Variants in AGO2 observed in about 807,000 individuals in gnomAD.
AGO2 encodes the protein argonaute RISC catalytic component 2, also known as protein argonaute-2.
A neutral mutation model predicts 102.3 loss-of-function variants in AGO2; 5 were observed. The ratio of observed to expected loss-of-function variants is 0.05; its 90% CI spans 0.03 to 0.10. AGO2 has a LOEUF of 0.10. Ranked by LOEUF, AGO2 falls within the 10% of genes least tolerant of loss-of-function variation. AGO2 has a pLI of 1.00. For synonymous variants in AGO2, 449 were observed against 473.1 expected (o/e 0.95, Z 0.66); for missense variants, 541 against 1,183.7 (o/e 0.46, Z 7.97).
intron 4 of AGO2, among the ~76,000 whole-genome samples, chr8:140,561,998 C>G (rs1486469510): frequency 6.6e-6 from 1 of 152,160 alleles, no homozygotes; most frequent in Non-Finnish European, 1.5e-5. Flanking sequence ...CCAGCAATCG[C>G]AAGTGTGGCC....
At position 140,529,976 on chromosome 8, in the gene AGO2, T is replaced by C. The variant is rs947339140; in HGVS notation, c.*2068A>G. 3 of 152,160 alleles carry C rather than the reference T, an allele frequency of 2.0e-5. No individual in the cohort carries two copies. The highest frequency in any genetic ancestry group is 7.2e-5 in the African/African-American group (3 of 41,412). 9.4% of individuals were successfully genotyped at this position (152,160 alleles called of 1,614,324 possible). On this transcript the variant is annotated 3_prime_UTR_variant, in exon 19 of 19. Coordinates refer to ENST00000220592, the MANE Select transcript of AGO2 (RefSeq NM_012154.5). ...CTTAGCTTGAATGCATCCATTAATTTAAGCTACGAGCATGTCTGTATCCTT... is the reference window on the plus strand; with the variant it reads ...CTTAGCTTGAATGCATCCATTAATTCAAGCTACGAGCATGTCTGTATCCTT...
At chr8:140,595,114 T>A (rs187146746) in intron 1 of AGO2, among the ~76,000 whole-genome samples, 1 of 152,038 alleles carries the variant, frequency 6.6e-6, no homozygotes, top group Non-Finnish European at 1.5e-5. Context: ...TAGGCATTTG[T>A]CCTAAGGAAA....
chr8:140,570,419 G>A (rs940458677), intron 3 of AGO2, among the ~76,000 whole-genome samples: 1 of 151,938 alleles, frequency 6.6e-6, no homozygotes, highest in Non-Finnish European at 1.5e-5. Flanking sequence ...TAGTACAGAC[G>A]GGATTTAGTC....
rs560546827 is a variant in AGO2 at position 140,555,905 on chromosome 8, G to A, written c.1260C>T (p.Tyr420=). ...GRVLQPPSIL[Y]GGRNKAIATP... is the part of the protein sequence containing the mutation. ...GCCGCCCCACACGTACCCTGCCCCC[G>A]TAGAGGATGGAGGGCGGCTGCAGCA... The change falls in exon 10 of 19, where the codon TAC becomes TAT. Residue 420 remains tyrosine (Y), a synonymous_variant. Coordinates refer to ENST00000220592, the MANE Select transcript of AGO2 (RefSeq NM_012154.5). The A allele has an allele frequency of 4.0e-5, 65 of 1,613,702 alleles. No homozygotes were observed. The South Asian group carries it at 5.2e-4, about 13-fold the overall frequency.
At chr8:140,566,264 G>C (rs2944753) in intron 3 of AGO2, among the ~76,000 whole-genome samples, 117,395 of 152,158 alleles carry the variant, frequency 0.77, 46,087 homozygotes, top group East Asian at 0.99. Flanking sequence ...TTGCTTCTTC[G>C]TCATTCTCTC....
intron 1 of AGO2, among the ~76,000 whole-genome samples, chr8:140,614,098 G>A (rs78377049): frequency 0.04 from 6,135 of 151,482 alleles, 359 homozygotes; most frequent in African/African-American, 0.13. Flanking sequence ...CAAGGCGGGC[G>A]GATCATCTCT....
rs900534515 is a variant in AGO2 at position 140,524,304 on chromosome 8, G to C, written c.*7740C>G. 1 of 152,134 alleles carries C rather than the reference G, an allele frequency of 6.6e-6. No homozygotes were observed. The highest frequency in any genetic ancestry group is 2.4e-5 in the African/African-American group (1 of 41,420). 9.4% of individuals were successfully genotyped at this position (152,134 alleles called of 1,614,324 possible). Reference sequence around the variant, plus strand: ...GTGACTATGAGAACAAGACCACCAGGCTTTGCTGATGGTCATGGTCAATGC... The same window carrying C: ...GTGACTATGAGAACAAGACCACCAGCCTTTGCTGATGGTCATGGTCAATGC... On this transcript the variant is annotated 3_prime_UTR_variant, in exon 19 of 19. Transcript: ENST00000220592.
At chr8:140,562,264 A>G (rs2132945933) in intron 4 of AGO2, among the ~76,000 whole-genome samples, 189 bp downstream of exon 4, 1 of 152,334 alleles carries the variant, frequency 6.6e-6, no homozygotes, top group Non-Finnish European at 1.5e-5. Flanking sequence ...AATGCTGGTG[A>G]CTTATGTTTA....
chr8:140,563,088 A>G (rs947079829), intron 3 of AGO2, among the ~76,000 whole-genome samples: 1 of 152,332 alleles, frequency 6.6e-6, no homozygotes. Context: ...ATATGTGGAC[A>G]CACACGAGCC....
chr8:140,606,115 G>A (rs2073995028), intron 1 of AGO2, among the ~76,000 whole-genome samples: 1 of 152,172 alleles, frequency 6.6e-6, no homozygotes, highest in Non-Finnish European at 1.5e-5. Flanking sequence ...TATAAGTAAG[G>A]TAAGATTTTT....
At chr8:140,598,085 AAGG>A (rs1162123559) in intron 1 of AGO2, among the ~76,000 whole-genome samples, 1 of 152,212 alleles carries the variant, frequency 6.6e-6, no homozygotes, top group Non-Finnish European at 1.5e-5. Context: ...GAGGGTGAGA[AAGG>A]AGGAGATGAG....
At chr8:140,580,435 C>T (rs766554296) in intron 2 of AGO2, among the ~76,000 whole-genome samples, 1 of 152,222 alleles carries the variant, frequency 6.6e-6, no homozygotes, top group Non-Finnish European at 1.5e-5. Flanking sequence ...TCCTTGCTCT[C>T]ACAGAGGCTG....
Position 140,553,404 on chromosome 8 carries a change from G to GTTTTT in AGO2, c.1270-1973_1270-1969dup, listed in dbSNP as rs1386366277. On this transcript the variant is annotated intron_variant, in intron 10 of 18. Coordinates refer to ENST00000220592, the MANE Select transcript of AGO2 (RefSeq NM_012154.5). Reference sequence around the variant, plus strand: ...GCCTCAAACAAGTTACAAGTTTTTTGTTTTTTGTTTTTTTTTTTTTTTGAG... The same window carrying GTTTTT: ...GCCTCAAACAAGTTACAAGTTTTTTGTTTTTTTTTTTGTTTTTTTTTTTTTTTGAG... 4.1e-4 allele frequency among the ~76,000 whole-genome samples: 42 copies of GTTTTT among 101,714 alleles called. 1 individual carries two copies. Among genetic ancestry groups the GTTTTT allele is most frequent in the African/African-American group, 8.2e-4 (17 of 20,620 alleles). 66.7% of individuals were successfully genotyped at this position (101,714 alleles called of 152,430 possible).
chr8:140,566,617 T>TGG (rs201739667), intron 3 of AGO2, among the ~76,000 whole-genome samples: 20 of 143,818 alleles, frequency 1.4e-4, no homozygotes, highest in East Asian at 4.3e-4. Context: ...TTTTTTTTTT[T>TGG]TGGGGGGGGG....
chr8:140,619,280 T>G (rs2074183530), intron 1 of AGO2, among the ~76,000 whole-genome samples: 1 of 152,114 alleles, frequency 6.6e-6, no homozygotes, highest in South Asian at 2.1e-4. Context: ...CAGGAACAGC[T>G]CCCTAACAGG....
intron 1 of AGO2, among the ~76,000 whole-genome samples, chr8:140,632,696 T>G (rs1044502174): frequency 6.6e-6 from 1 of 152,176 alleles, no homozygotes. Context: ...CATTGGAGAA[T>G]CCACCCATCT....
At chr8:140,544,186 G>A in intron 14 of AGO2, 27 bp downstream of exon 14, 1 of 1,555,488 alleles carries the variant, frequency 6.4e-7, no homozygotes, top group African/African-American at 1.4e-5. Flanking sequence ...GTCAATGGAA[G>A]ACCCATGGGG....
At chr8:140,632,227 TA>T (rs1761457536) in intron 1 of AGO2, among the ~76,000 whole-genome samples, 1 of 152,230 alleles carries the variant, frequency 6.6e-6, no homozygotes, top group African/African-American at 2.4e-5. Flanking sequence ...TGCACTTACT[TA>T]AATTATTCCC....
intron 1 of AGO2, among the ~76,000 whole-genome samples, chr8:140,632,676 G>C (rs1279526381): frequency 6.6e-6 from 1 of 152,172 alleles, no homozygotes; most frequent in Non-Finnish European, 1.5e-5. Context: ...CATCAGTGAA[G>C]GTTCAAGGTC....
Sources: allele counts gnomAD v4.1 joint callset (sites outside exome capture counted in the v4.1 genomes callset), GRCh38; gene constraint gnomAD v4.1.1; transcripts MANE v1.5; gene names NCBI Gene and HGNC (gene_info 2026-07-23, HGNC 2026-07-21).